HSDL2: variants seen among roughly 807,000 people sequenced by gnomAD.
HSDL2 encodes the protein hydroxysteroid dehydrogenase like 2.
In HSDL2, 27 loss-of-function variants were observed where a neutral mutation model predicts 46.3. That is an observed-to-expected ratio of 0.58 (90% confidence interval 0.43 to 0.80). The LOEUF is 0.80. Among genes scored for constraint, HSDL2 ranks in the 30% least tolerant of loss-of-function variants. The pLI is 0.00. For synonymous variants in HSDL2, 153 were observed against 163.6 expected, an observed-to-expected ratio of 0.94 and a Z score of 0.50; for missense variants, 451 against 502.7, an observed-to-expected ratio of 0.90 and a Z score of 0.98.
intron 6 of HSDL2, among the ~76,000 whole-genome samples, chr9:112,436,229 T>TGA (rs1832521239): frequency 7.8e-6 from 1 of 128,580 alleles, no homozygotes; most frequent in Non-Finnish European, 1.6e-5. Flanking sequence ...GGTGACAGTG[T>TGA]GAGACCCTAT....
At chr9:112,432,665 T>G (rs1564121845) in intron 6 of HSDL2, among the ~76,000 whole-genome samples, 1 of 152,216 alleles carries the variant, frequency 6.6e-6, no homozygotes, top group Non-Finnish European at 1.5e-5. Context: ...CTAGACATCT[T>G]GGAGCCAGTG....
intron 4 of HSDL2, among the ~76,000 whole-genome samples, chr9:112,409,735 C>T (rs1831817073): frequency 6.6e-6 from 1 of 151,898 alleles, no homozygotes; most frequent in South Asian, 2.1e-4. Context: ...TGGTGGTGGT[C>T]TCATCTACTC....
At chr9:112,444,843 T>TG (rs1832720024) in intron 8 of HSDL2, among the ~76,000 whole-genome samples, 1 of 150,804 alleles carries the variant, frequency 6.6e-6, no homozygotes, top group Non-Finnish European at 1.5e-5. Context: ...TGTTTTTTTT[T>TG]TTTTTTTTTT....
In HSDL2 at chr9:112,470,522, A is replaced by G. The variant is rs746922104; in HGVS notation, c.1235A>G (p.Asn412Ser). 1 of 1,602,946 alleles carries G rather than the reference A, an allele frequency of 6.2e-7. No individual in the cohort carries two copies. The highest frequency in any genetic ancestry group is 1.1e-5 in the South Asian group (1 of 90,568). The change falls in exon 11 of 11, where the codon AAT becomes AGT. Residue 412 changes from asparagine to serine, a missense_variant. By Grantham distance (46) the Asn-to-Ser change is conservative. Coordinates refer to ENST00000398805, the MANE Select transcript of HSDL2 (RefSeq NM_032303.5). ...ALAIKLEKLMNQMNARL is the reference protein window; with the variant it reads ...ALAIKLEKLMSQMNARL Reference sequence around the variant, plus strand: ...GCAATCAAATTGGAGAAGCTAATGAATCAGATGAATGCCAGACTGTGAAGG... The same window carrying G: ...GCAATCAAATTGGAGAAGCTAATGAGTCAGATGAATGCCAGACTGTGAAGG...
chr9:112,423,413 C>T (rs1587946552), intron 6 of HSDL2, among the ~76,000 whole-genome samples: 1 of 152,078 alleles, frequency 6.6e-6, no homozygotes, highest in East Asian at 1.9e-4. Flanking sequence ...ATAATCTCGG[C>T]TCACTGCAAC....
intron 6 of HSDL2, among the ~76,000 whole-genome samples, chr9:112,432,637 T>C (rs754335777): frequency 2.0e-5 from 3 of 152,210 alleles, no homozygotes; most frequent in Non-Finnish European, 4.4e-5. Flanking sequence ...CTTCAAGATA[T>C]TCATTTTAGA....
At chr9:112,429,718 A>G (rs79540990) in intron 6 of HSDL2, among the ~76,000 whole-genome samples, 9 of 152,344 alleles carry the variant, frequency 5.9e-5, no homozygotes, top group Non-Finnish European at 1.0e-4. Context: ...GTAATATGCT[A>G]TGAAAAACAG....
chr9:112,419,490 G>T (rs1832071910), intron 6 of HSDL2, among the ~76,000 whole-genome samples: 1 of 152,034 alleles, frequency 6.6e-6, no homozygotes, highest in Non-Finnish European at 1.5e-5. Flanking sequence ...AATAGCCTTT[G>T]TAGGAACATT....
chr9:112,463,861 A>C (rs897252450), intron 10 of HSDL2, among the ~76,000 whole-genome samples: 3 of 151,190 alleles, frequency 2.0e-5, no homozygotes, highest in African/African-American at 7.3e-5. Flanking sequence ...GGGTTTCACC[A>C]TGTTGGCCAG....
At chr9:112,462,199 C>G (rs1333223211) in intron 10 of HSDL2, among the ~76,000 whole-genome samples, 1 of 152,124 alleles carries the variant, frequency 6.6e-6, no homozygotes, top group African/African-American at 2.4e-5. Flanking sequence ...CGTGGTGGTT[C>G]ATTTCTGTAA....
Position 112,428,961 on chromosome 9 carries a change from C to T in HSDL2, c.599-9470C>T, listed in dbSNP as rs544246813. On this transcript the variant is annotated intron_variant, in intron 6 of 10. Transcript: ENST00000398805. ...TTGCCCAGGCTGGAGTGCAGTGGTG[C>T]GATCTTGGCTCACTGCAACCTCTGC... 7.2e-5 allele frequency among the ~76,000 whole-genome samples: 11 copies of T among 152,244 alleles called. No individual in the cohort carries two copies. The East Asian group carries it at 1.5e-3, about 21-fold the overall frequency.
At chr9:112,435,015 T>C (rs1343640966) in intron 6 of HSDL2, among the ~76,000 whole-genome samples, 2 of 152,170 alleles carry the variant, frequency 1.3e-5, no homozygotes, top group African/African-American at 4.8e-5. Context: ...GTGAATTTCA[T>C]TTGATTGATC....
intron 7 of HSDL2, among the ~76,000 whole-genome samples, chr9:112,440,330 G>A (rs10123584): frequency 0.69 from 104,946 of 151,732 alleles, 36,384 homozygotes; most frequent in South Asian, 0.72. Context: ...AGAGAGGCAG[G>A]AGACCGAGGC....
intron 1 of HSDL2, among the ~76,000 whole-genome samples, chr9:112,385,551 G>A (rs1453021102): frequency 3.4e-5 from 5 of 148,100 alleles, no homozygotes; most frequent in East Asian, 4.0e-4. Flanking sequence ...GTGCAGTGGC[G>A]CGATCTCAGC....
intron 6 of HSDL2, among the ~76,000 whole-genome samples, chr9:112,425,054 T>A (rs934439078): frequency 1.6e-4 from 24 of 152,144 alleles, no homozygotes; most frequent in African/African-American, 5.3e-4. Context: ...TTTAGAACAA[T>A]GTTGAATAGT....
At chr9:112,390,710 C>A (rs575171574) in intron 1 of HSDL2, among the ~76,000 whole-genome samples, 5 of 152,098 alleles carry the variant, frequency 3.3e-5, no homozygotes, top group Non-Finnish European at 7.3e-5. Context: ...ATCACGGCCT[C>A]CCAAAGTACT....
At chr9:112,438,351 T>G in intron 6 of HSDL2, 80 bp from the exon 7 acceptor site, 1 of 874,048 alleles carries the variant, frequency 1.1e-6, no homozygotes, top group East Asian at 3.1e-5. Context: ...TTGTGAAGGG[T>G]GGTGCTTGCT....
At chr9:112,453,355 T>C (rs1166123458) in intron 8 of HSDL2, among the ~76,000 whole-genome samples, 1 of 152,182 alleles carries the variant, frequency 6.6e-6, no homozygotes, top group Non-Finnish European at 1.5e-5. Flanking sequence ...TGATTGATTA[T>C]CATCCCTCAT....
intron 2 of HSDL2, among the ~76,000 whole-genome samples, chr9:112,404,456 C>T (rs1217628135): frequency 6.6e-6 from 1 of 151,990 alleles, no homozygotes; most frequent in East Asian, 1.9e-4. Context: ...ATCACTTGAA[C>T]CTGGGAGGTG....
Sources: allele counts gnomAD v4.1 joint callset (sites outside exome capture counted in the v4.1 genomes callset), GRCh38; gene constraint gnomAD v4.1.1; transcripts MANE v1.5; gene names NCBI Gene and HGNC (gene_info 2026-07-23, HGNC 2026-07-21).